The following PCDHA5 variants were observed in gnomAD, a reference collection of about 807,000 sequenced individuals.
PCDHA5 encodes the protein protocadherin alpha 5.
Under a neutral mutation model 61.6 loss-of-function variants are expected in PCDHA5, and 43 were observed. The observed-to-expected ratio is 0.70, with a 90% CI of 0.55 to 0.90. The LOEUF (loss-of-function observed/expected upper bound fraction) is 0.90, where lower values mean the gene tolerates loss of function less well. PCDHA5 is among the 40% of genes least tolerant of loss of function. The probability of loss-of-function intolerance (pLI) is 0.00; values close to 1 mark genes in which losing one functional copy is unlikely to be tolerated. For missense variants in PCDHA5, 1,298 were observed against 1,222.7 expected, an observed-to-expected ratio of 1.06 and a Z score of -0.92; for synonymous variants, 627 against 543.9, an observed-to-expected ratio of 1.15 and a Z score of -2.13.
Position 140,985,833 on chromosome 5 carries a change from G to A in PCDHA5, c.2500+3270G>A, listed in dbSNP as rs1458914557. Among the ~76,000 whole-genome samples the A allele has an allele frequency of 2.8e-5, 4 of 143,674 alleles. No homozygotes were observed. In the East Asian group the frequency reaches 6.5e-4, roughly 23 times the overall value. The allele number at this position is 143,674 out of a possible 152,430, so 94.3% of individuals were successfully genotyped here. A position where few individuals can be genotyped will look rare whatever the true frequency, so the allele number is the denominator to read the frequency against. ...CAGCTCACAACAAGCTCTGCCTCCC[G>A]GGTTCATGCCACTCTCCTGCCTCAG... On this transcript the variant is annotated intron_variant, in intron 3 of 3. Coordinates refer to ENST00000529859, the MANE Select transcript of PCDHA5 (RefSeq NM_018908.3).
intron 1 of PCDHA5, among the ~76,000 whole-genome samples, chr5:140,881,806 C>G (rs545752672): frequency 1.3e-5 from 2 of 152,238 alleles, no homozygotes; most frequent in African/African-American, 4.8e-5. Context: ...AAACGAGTGT[C>G]GAATATTCTT....
At chr5:140,994,248 G>A (rs188394827) in intron 3 of PCDHA5, among the ~76,000 whole-genome samples, 1 of 152,238 alleles carries the variant, frequency 6.6e-6, no homozygotes, top group East Asian at 1.9e-4. Flanking sequence ...TCAAACCCTA[G>A]GTAAATAAGG....
chr5:140,943,529 A>C (rs1291911076), intron 1 of PCDHA5, among the ~76,000 whole-genome samples: 1 of 152,220 alleles, frequency 6.6e-6, no homozygotes, highest in Non-Finnish European at 1.5e-5. Flanking sequence ...TCAGTATGCA[A>C]AATGTCATGT....
At position 140,843,072 on chromosome 5, in the gene PCDHA5, C is replaced by G. The variant is rs2150351828; in HGVS notation, c.2352+18945C>G. 29 of 1,595,290 alleles carry G rather than the reference C, an allele frequency of 1.8e-5. 2 individuals carry two copies. Among genetic ancestry groups the G allele is most frequent in the Middle Eastern group, 1.7e-4 (1 of 5,908 alleles). On this transcript the variant is annotated intron_variant, in intron 1 of 3. Transcript: ENST00000529859. ...GCAGCGAGCAAGCTGGTGCCGCGGTCTGTGGGCGCGGGCCACGTGGTAGCG... is the reference window on the plus strand; with the variant it reads ...GCAGCGAGCAAGCTGGTGCCGCGGTGTGTGGGCGCGGGCCACGTGGTAGCG...
At chr5:140,918,889 A>C (rs1057244376) in intron 1 of PCDHA5, among the ~76,000 whole-genome samples, 5 of 152,218 alleles carry the variant, frequency 3.3e-5, no homozygotes, top group African/African-American at 4.8e-5. Context: ...GAACAGTGAA[A>C]AATAAATCTC....
chr5:140,900,062 A>C (rs1221394657), intron 1 of PCDHA5, among the ~76,000 whole-genome samples: 1 of 152,138 alleles, frequency 6.6e-6, no homozygotes, highest in Non-Finnish European at 1.5e-5. Flanking sequence ...CTTTAACCTC[A>C]GCCTCCAAAA....
At chr5:140,829,903 C>T (rs2150177416) in intron 1 of PCDHA5, 3 of 1,613,978 alleles carry the variant, frequency 1.9e-6, no homozygotes, top group Non-Finnish European at 1.7e-6. Flanking sequence ...CAGGCTACAA[C>T]GCGTGGCTTT....
At chr5:140,988,489 C>G (rs1197670303) in intron 3 of PCDHA5, among the ~76,000 whole-genome samples, 4 of 152,134 alleles carry the variant, frequency 2.6e-5, no homozygotes, top group Non-Finnish European at 5.9e-5. Flanking sequence ...CATCCCCTAC[C>G]TAGGAGAAGC....
intron 1 of PCDHA5, among the ~76,000 whole-genome samples, chr5:140,911,001 C>T (rs543025308): frequency 1.3e-5 from 2 of 152,220 alleles, no homozygotes; most frequent in African/African-American, 4.8e-5. Context: ...CCCCTAGGGC[C>T]CTCCTGGGAC....
intron 3 of PCDHA5, among the ~76,000 whole-genome samples, chr5:140,996,776 A>G (rs1554255393): frequency 6.6e-6 from 1 of 152,206 alleles, no homozygotes; most frequent in Non-Finnish European, 1.5e-5. Flanking sequence ...TAAAATGAGT[A>G]GTGCCTCACT....
chr5:140,995,245 A>G (rs2097671494), intron 3 of PCDHA5, among the ~76,000 whole-genome samples: 1 of 152,194 alleles, frequency 6.6e-6, no homozygotes, highest in African/African-American at 2.4e-5. Flanking sequence ...ATTAAGTAAA[A>G]TAAGGGTACT....
chr5:140,845,731 C>A (rs1420659203), intron 1 of PCDHA5, among the ~76,000 whole-genome samples: 1 of 149,400 alleles, frequency 6.7e-6, no homozygotes, highest in Non-Finnish European at 1.5e-5. Context: ...AATGTGAATT[C>A]TACTTTATAG....
intron 1 of PCDHA5, chr5:140,848,367 G>T: frequency 9.1e-7 from 1 of 1,100,452 alleles, no homozygotes; most frequent in Non-Finnish European, 1.3e-6. Context: ...TGGGAAAGAG[G>T]CTCAATTCTT....
intron 1 of PCDHA5, among the ~76,000 whole-genome samples, chr5:140,947,890 G>A (rs1233922642): frequency 1.3e-5 from 2 of 151,506 alleles, no homozygotes; most frequent in African/African-American, 4.8e-5. Context: ...AATATAAACA[G>A]AAGTGGTGAG....
chr5:140,829,681 G>C (rs2150172454), intron 1 of PCDHA5: 1 of 1,613,236 alleles, frequency 6.2e-7, no homozygotes, highest in Non-Finnish European at 8.5e-7. Flanking sequence ...AGCTAGAGCT[G>C]CTGCAGTTTC....
intron 2 of PCDHA5, 165 bp downstream of exon 2, chr5:140,979,172 G>A (rs1406119348): frequency 2.1e-6 from 2 of 959,890 alleles, no homozygotes; most frequent in Admixed American, 1.2e-4. Context: ...TTGAAAGATC[G>A]CAAATGGTCA....
chr5:140,851,237 G>A (rs782702575), intron 1 of PCDHA5: 5 of 1,101,536 alleles, frequency 4.5e-6, no homozygotes, highest in African/African-American at 1.6e-5. Context: ...TTTATTTATT[G>A]CTAAATGATG....
chr5:140,993,939 T>C (rs1449633283), intron 3 of PCDHA5, among the ~76,000 whole-genome samples: 5 of 152,198 alleles, frequency 3.3e-5, no homozygotes, highest in Non-Finnish European at 7.3e-5. Context: ...ATATCCCCAT[T>C]GTTAAGTGAT....
At chr5:140,960,400 G>T (rs566510688) in intron 1 of PCDHA5, among the ~76,000 whole-genome samples, 4 of 152,114 alleles carry the variant, frequency 2.6e-5, no homozygotes, top group African/African-American at 9.6e-5. Context: ...ATGCAAGGGG[G>T]GGTGCCCAAA....
Sources: gnomAD v4.1 joint callset for allele counts (sites outside exome capture counted in the v4.1 genomes callset) on GRCh38, gnomAD v4.1.1 for gene constraint, MANE v1.5 for transcripts, NCBI Gene and HGNC (gene_info 2026-07-23, HGNC 2026-07-21) for gene names.